Variants in CNBD1 observed in about 807,000 individuals in gnomAD.
CNBD1 encodes cyclic nucleotide-binding domain-containing protein 1.
CNBD1 carries 71 observed loss-of-function variants against 54.4 expected under a neutral mutation model. The observed-to-expected ratio is 1.30, with a 90% confidence interval of 1.08 to 1.59. The LOEUF is 1.59. CNBD1 is among the 40% of genes most tolerant of loss of function. CNBD1 has a pLI of 0.00. For synonymous variants in CNBD1, 182 were observed against 170.7 expected (o/e 1.07, Z -0.51); for missense variants, 659 against 518.0 (o/e 1.27, Z -2.64).
chr8:87,410,593 T>A (rs997250226), intron 2 of CNBD1, among the ~76,000 whole-genome samples: 5 of 152,122 alleles, frequency 3.3e-5, no homozygotes, highest in Admixed American at 1.3e-4. Context: ...CAACAAAAAA[T>A]TTAGAATATT....
Position 87,412,250 on chromosome 8 carries a change from T to G in CNBD1, c.214-16296T>G, listed in dbSNP as rs560307087. Reference sequence around the variant, plus strand: ...CATCATCTAACATCCAAATCCTTGATATATCATGTGTTTTGGTATGTGTTT... The same window carrying G: ...CATCATCTAACATCCAAATCCTTGAGATATCATGTGTTTTGGTATGTGTTT... On this transcript the variant is annotated intron_variant, in intron 2 of 7. Coordinates refer to the CNBD1 transcript ENST00000521593. Among the ~76,000 whole-genome samples the G allele has an allele frequency of 3.9e-5, 6 of 152,256 alleles. No homozygotes were observed. The East Asian group carries it at 1.2e-3, about 29-fold the overall frequency.
chr8:87,108,597 A>G (rs1299650928), intron 4 of CNBD1, among the ~76,000 whole-genome samples: 1 of 152,228 alleles, frequency 6.6e-6, no homozygotes, highest in Non-Finnish European at 1.5e-5. Context: ...TTCCAAATCC[A>G]TGAATTAAAA....
chr8:87,204,278 T>C (rs1224972241), intron 4 of CNBD1, among the ~76,000 whole-genome samples: 1 of 152,182 alleles, frequency 6.6e-6, no homozygotes, highest in East Asian at 1.9e-4. Flanking sequence ...TAGACATTGT[T>C]TTTAAGTTGT....
At chr8:87,192,691 G>A (rs1162412265) in intron 4 of CNBD1, among the ~76,000 whole-genome samples, 1 of 152,142 alleles carries the variant, frequency 6.6e-6, no homozygotes, top group Non-Finnish European at 1.5e-5. Context: ...GAAAACCTTG[G>A]ATTCCCTGTA....
chr8:87,058,640 G>A (rs1396729699), intron 4 of CNBD1, among the ~76,000 whole-genome samples: 1 of 152,166 alleles, frequency 6.6e-6, no homozygotes, highest in African/African-American at 2.4e-5. Context: ...CTTCTCTGAA[G>A]CAATATCCTC....
intron 6 of CNBD1, among the ~76,000 whole-genome samples, chr8:87,261,111 A>G (rs954851052): frequency 6.6e-6 from 1 of 152,108 alleles, no homozygotes; most frequent in African/African-American, 2.4e-5. Context: ...TAAATTCAAG[A>G]CAGTTAATTC....
chr8:87,231,683 T>C (rs890558624), intron 5 of CNBD1, among the ~76,000 whole-genome samples: 5 of 152,204 alleles, frequency 3.3e-5, no homozygotes, highest in Admixed American at 6.5e-5. Context: ...TTCCATTTAA[T>C]TGACATATCA....
At chr8:86,936,315 T>TA (rs1178183673) in intron 3 of CNBD1, among the ~76,000 whole-genome samples, 1 of 152,144 alleles carries the variant, frequency 6.6e-6, no homozygotes, top group Non-Finnish European at 1.5e-5. Context: ...ATTCAAATTA[T>TA]AAAATTAAAA....
intron 4 of CNBD1, among the ~76,000 whole-genome samples, chr8:87,150,975 CG>C (rs887947807): frequency 3.3e-5 from 5 of 152,130 alleles, no homozygotes; most frequent in Non-Finnish European, 7.4e-5. Context: ...AAAAGAAGGT[CG>C]GGGCCTATCT....
In CNBD1 at chr8:87,335,300, G is replaced by A. The variant is rs563217032; in HGVS notation, c.1043-16385G>A. Among the ~76,000 whole-genome samples, 7 of 152,196 alleles carry A rather than the reference G, an allele frequency of 4.6e-5. No homozygotes were observed. In the South Asian group the frequency reaches 1.0e-3, roughly 23 times the overall value. ...TGTTAATCTGTCTAATATTGACAGT[G>A]GGGTGTTAAAGTCTCCTACTATTAC... On this transcript the variant is annotated intron_variant, in intron 8 of 10. Transcript: ENST00000518476.
intron 8 of CNBD1, among the ~76,000 whole-genome samples, chr8:87,339,469 G>A (rs1810020736): frequency 6.6e-6 from 1 of 151,542 alleles, no homozygotes; most frequent in Non-Finnish European, 1.5e-5. Context: ...AATTTCTGGG[G>A]CAGTGGTTTT....
chr8:87,180,355 A>G (rs115111524), intron 4 of CNBD1, among the ~76,000 whole-genome samples: 300 of 152,290 alleles, frequency 2.0e-3, no homozygotes, highest in African/African-American at 6.3e-3. Context: ...CTTTTACTCA[A>G]TTATGACTTT....
intron 4 of CNBD1, among the ~76,000 whole-genome samples, chr8:87,151,503 TAAAGC>T (rs1461768975): frequency 6.6e-6 from 1 of 152,156 alleles, no homozygotes; most frequent in Non-Finnish European, 1.5e-5. Context: ...CAAAGAAAAT[TAAAGC>T]AAGGAAGGGG....
At chr8:87,130,305 C>T (rs1200799194) in intron 4 of CNBD1, among the ~76,000 whole-genome samples, 1 of 152,144 alleles carries the variant, frequency 6.6e-6, no homozygotes, top group African/African-American at 2.4e-5. Flanking sequence ...TATACTGAGA[C>T]TTATTTTATG....
intron 3 of CNBD1, among the ~76,000 whole-genome samples, chr8:86,916,481 G>A (rs1440724795): frequency 6.6e-6 from 1 of 152,106 alleles, no homozygotes; most frequent in African/African-American, 2.4e-5. Context: ...TACTAGAGTT[G>A]TATGCGTGCT....
At position 87,264,196 on chromosome 8, in the gene CNBD1, G is replaced by A. The variant is rs533928357; in HGVS notation, c.772-20482G>A. Among the ~76,000 whole-genome samples the A allele has an allele frequency of 9.3e-5, 14 of 150,814 alleles. No individual in the cohort carries two copies. The South Asian group carries it at 2.9e-3, about 32-fold the overall frequency. ...CGGAGTGTGATGTTCCCCTTCCTGT[G>A]TCCATGTGTTCTCTTTGTTCAATTC... is the stretch of plus-strand genomic sequence containing the variant. On this transcript the variant is annotated intron_variant, in intron 6 of 10. Coordinates refer to ENST00000518476, the MANE Select transcript of CNBD1 (RefSeq NM_173538.3).
chr8:87,241,325 C>T lies in CNBD1; in HGVS notation c.771+4213C>T, dbSNP rs958234299. Reference sequence around the variant, plus strand: ...TCGCTCTGTCGCCCAGGCTGGAGTGCAGTGGCGCGATCTCGGCTCACTGCA... The same window carrying T: ...TCGCTCTGTCGCCCAGGCTGGAGTGTAGTGGCGCGATCTCGGCTCACTGCA... On this transcript the variant is annotated intron_variant, in intron 6 of 10. Transcript: ENST00000518476. Among the ~76,000 whole-genome samples the T allele has an allele frequency of 7.8e-5, 10 of 128,644 alleles. 1 individual carries two copies. Among genetic ancestry groups the T allele is most frequent in the African/African-American group, 3.2e-4 (10 of 31,604 alleles). The allele number at this position is 128,644 out of a possible 152,430, so 84.4% of individuals were successfully genotyped here. A position where few individuals can be genotyped will look rare whatever the true frequency, so the allele number is the denominator to read the frequency against.
At chr8:86,939,485 G>A (rs189596742) in intron 3 of CNBD1, 111 bp from the exon 4 acceptor site, 4 of 657,702 alleles carry the variant, frequency 6.1e-6, no homozygotes, top group African/African-American at 5.6e-5. Flanking sequence ...TTCTGAAAAT[G>A]ACAAATTTTC....
At chr8:86,888,440 C>T (rs1406511544) in intron 2 of CNBD1, among the ~76,000 whole-genome samples, 1 of 152,100 alleles carries the variant, frequency 6.6e-6, no homozygotes, top group Non-Finnish European at 1.5e-5. Context: ...GAAGTCCACA[C>T]ACTCCCGAGA....
Sources: gnomAD v4.1 joint callset for allele counts (sites outside exome capture counted in the v4.1 genomes callset) on GRCh38, gnomAD v4.1.1 for gene constraint, MANE v1.5 for transcripts, NCBI Gene and HGNC (gene_info 2026-07-23, HGNC 2026-07-21) for gene names.